PPP1R13L: variants seen among roughly 807,000 people sequenced by gnomAD.
PPP1R13L encodes the protein protein phosphatase 1 regulatory subunit 13 like.
PPP1R13L carries 50 observed loss-of-function variants against 80.9 expected under a neutral mutation model. The observed-to-expected ratio is 0.62, with a 90% confidence interval of 0.49 to 0.78. The LOEUF is 0.78. PPP1R13L is among the 30% of genes least tolerant of loss of function. The pLI is 0.00. For synonymous variants in PPP1R13L, 602 were observed against 534.3 expected, an observed-to-expected ratio of 1.13 and a Z score of -1.75; for missense variants, 1,200 against 1,205.9, an observed-to-expected ratio of 1.00 and a Z score of 0.07.
At chr19:45,385,451 A>C in intron 11 of PPP1R13L, 111 bp downstream of exon 11, 1 of 1,258,070 alleles carries the variant, frequency 7.9e-7, no homozygotes, top group African/African-American at 1.5e-5. Flanking sequence ...AATCCTGCCA[A>C]GTGGTTGGTA....
chr19:45,392,863 G>A (rs1283000477), intron 7 of PPP1R13L: 1 of 197,742 alleles, frequency 5.1e-6, no homozygotes, highest in Non-Finnish European at 1.0e-5. Flanking sequence ...AAAGCAGGTG[G>A]AAATAAAAAT....
At chr19:45,406,236 C>T, upstream of PPP1R13L, 36 of 935,458 alleles carry the variant, frequency 3.8e-5, no homozygotes, top group Non-Finnish European at 4.6e-5. This position sits in a 1 kb window ranked among gnomAD's most constrained non-coding sequence, Gnocchi z 4.2. Flanking sequence ...GGCATCTGGG[C>T]CTCCCCAGAA....
At position 45,380,194 on chromosome 19, in the gene PPP1R13L, A is replaced by C; in HGVS notation, c.2483T>G (p.Val828Gly). 1 of 1,613,986 alleles carries C rather than the reference A, an allele frequency of 6.2e-7. No individual in the cohort carries two copies. Among genetic ancestry groups the C allele is most frequent in the Non-Finnish European group, 8.5e-7 (1 of 1,179,984 alleles). The change falls in exon 13 of 13, where the codon GTC becomes GGC. Residue 828 changes from valine to glycine, a missense_variant. Val to Gly is a moderately radical substitution (Grantham distance 109). Around this residue, in one of 5 missense-constraint regions of PPP1R13L, gnomAD observed 165 missense variants for 177.1 expected, o/e 0.93. Transcript: ENST00000360957. ...CAGAAACCTCCTTCTATCCTGCTAG[A>C]CTTTACTCCTTTGAGGCTTCACCCT... is the stretch of plus-strand genomic sequence containing the variant. ...FPRVKPQRSK[V>G]
In PPP1R13L at chr19:45,398,290, C is replaced by A; in HGVS notation, c.29G>T (p.Arg10Leu). Residue 10 changes from arginine (R) to leucine (L), a missense_variant, in exon 2 of 13, where the codon CGG becomes CTG. Physicochemically the swap from Arg to Leu is moderately radical, Grantham distance 102. Coordinates refer to ENST00000360957, the MANE Select transcript of PPP1R13L (RefSeq NM_006663.4). MDSEAFQSARDFLDMNFQSL... is the reference protein window; with the variant it reads MDSEAFQSALDFLDMNFQSL... ...CTGGAAGTTCATGTCCAGAAAGTCC[C>A]GCGCGCTCTGGAATGCCTCGCTGTC... is the stretch of plus-strand genomic sequence containing the variant. 1 of 1,613,948 alleles carries A rather than the reference C, an allele frequency of 6.2e-7. No individual in the cohort carries two copies. Among genetic ancestry groups the A allele is most frequent in the Non-Finnish European group, 8.5e-7 (1 of 1,179,944 alleles).
rs201712567 is a variant in PPP1R13L, at chr19:45,392,241, G to T, written c.1454C>A (p.Ala485Glu). The T allele has an allele frequency of 1.9e-5, 31 of 1,612,858 alleles. No homozygotes were observed. Among genetic ancestry groups the T allele is most frequent in the Non-Finnish European group, 2.5e-5 (29 of 1,179,594 alleles). The stretch of plus-strand genomic sequence containing the variant: ...CAGCCTCGTGGGGCTGAGAGGCCTT[G>T]CTACAGGGCCTTCATCCACATCGCC... ...EAGDVDEGPVARPLSPTRLQP... is the reference protein window; with the variant it reads ...EAGDVDEGPVERPLSPTRLQP... Residue 485 changes from alanine (A) to glutamate (E), a missense_variant, in exon 8 of 13, where the codon GCA becomes GAA. Coordinates refer to ENST00000360957, the MANE Select transcript of PPP1R13L (RefSeq NM_006663.4).
Position 45,379,827 on chromosome 19 carries a change from C to T in PPP1R13L, c.*363G>A, listed in dbSNP as rs1240836516. Reference sequence around the variant, plus strand: ...GTCAGCAGTGACTCCCAGGAATATCCAGTGGTGTGGTGGCCCATCCCAGGC... The same window carrying T: ...GTCAGCAGTGACTCCCAGGAATATCTAGTGGTGTGGTGGCCCATCCCAGGC... On this transcript the variant is annotated 3_prime_UTR_variant, in exon 13 of 13. Transcript: ENST00000360957. The T allele has an allele frequency of 4.5e-6, 1 of 222,668 alleles. No individual in the cohort carries two copies. Among genetic ancestry groups the T allele is most frequent in the Non-Finnish European group, 9.0e-6 (1 of 111,470 alleles). 13.8% of individuals were successfully genotyped at this position (222,668 alleles called of 1,614,324 possible).
Position 45,396,309 on chromosome 19 carries a change from C to T in PPP1R13L, c.811+29G>A. On this transcript the variant is annotated intron_variant, in intron 5 of 12. Coordinates refer to ENST00000360957, the MANE Select transcript of PPP1R13L (RefSeq NM_006663.4). The surrounding 1 kb of genome is among the most constrained non-coding windows in gnomAD (Gnocchi z 5.3). The stretch of plus-strand genomic sequence containing the variant: ...CTGTGGGGCTGCCTCTCCTCCGGGT[C>T]CTCCATTCCCCGGGCCTCCACCACT... 6.2e-7 allele frequency: 1 copy of T among 1,613,800 alleles called. No homozygotes were observed. Among genetic ancestry groups the T allele is most frequent in the Non-Finnish European group, 8.5e-7 (1 of 1,179,888 alleles).
chr19:45,386,180 C>T lies in PPP1R13L; in HGVS notation c.1816G>A (p.Glu606Lys), dbSNP rs1474545747. 2 of 1,517,286 alleles carry T rather than the reference C, an allele frequency of 1.3e-6. No individual in the cohort carries two copies. Among genetic ancestry groups the T allele is most frequent in the South Asian group, 1.3e-5 (1 of 76,878 alleles). 94.0% of individuals were successfully genotyped at this position (1,517,286 alleles called of 1,614,324 possible). ...SSPPEQPQSMEMRSVLRKAGS... is the reference protein window; with the variant it reads ...SSPPEQPQSMKMRSVLRKAGS... ...GCCTTCCGCAGCACAGAGCGCATCTCCTGGGGGACAGGGCGCAGAGGTCAG... is the reference window on the plus strand; with the variant it reads ...GCCTTCCGCAGCACAGAGCGCATCTTCTGGGGGACAGGGCGCAGAGGTCAG... Residue 606 changes from glutamate to lysine, a missense_variant and splice_region_variant, in exon 9 of 13, where the codon GAG becomes AAG. Around this residue, in one of 5 missense-constraint regions of PPP1R13L, gnomAD observed 214 missense variants for 199.6 expected, o/e 1.07. Transcript: ENST00000360957.
chr19:45,385,988 G>T (rs775736681), intron 9 of PPP1R13L, 31 bp from the exon 10 acceptor site: 6 of 1,587,020 alleles, frequency 3.8e-6, no homozygotes, highest in Non-Finnish European at 5.1e-6. Context: ...GGAAGACTCA[G>T]TCCCGCGGCT....
chr19:45,395,202 C>A (rs1040222060), intron 7 of PPP1R13L: 6 of 571,236 alleles, frequency 1.1e-5, no homozygotes, highest in Non-Finnish European at 1.9e-5. Flanking sequence ...AGTGACTTGC[C>A]CAAGGTCACA....
At chr19:45,395,251 T>C (rs1334631943) in intron 7 of PPP1R13L, 185 bp downstream of exon 7, 1 of 785,350 alleles carries the variant, frequency 1.3e-6, no homozygotes, top group South Asian at 1.6e-5. Flanking sequence ...GGGTCCACAC[T>C]TAACCTTTGA....
intron 8 of PPP1R13L, among the ~76,000 whole-genome samples, chr19:45,389,100 T>C (rs1045912128): frequency 2.0e-5 from 3 of 152,332 alleles, no homozygotes; most frequent in Admixed American, 2.0e-4. Flanking sequence ...AAAATGTTAC[T>C]ATCCTAAGAC....
At position 45,396,219 on chromosome 19, in the gene PPP1R13L, C is replaced by T. The variant is rs763575471; in HGVS notation, c.852G>A (p.Gln284=). ...VFARPASPSL[Q]LLPWRESSLD... ...GGCTGCTCTCCCTCCAAGGCAACAG[C>T]TGCAGGCTCGGCGAGGCAGGCCTTG... is the stretch of plus-strand genomic sequence containing the variant. Residue 284 remains glutamine (Q), a synonymous_variant, in exon 6 of 13, where the codon CAG becomes CAA. Transcript: ENST00000360957. This position sits in a 1 kb window ranked among gnomAD's most constrained non-coding sequence, Gnocchi z 5.3. 6.2e-7 allele frequency: 1 copy of T among 1,612,116 alleles called. No individual in the cohort carries two copies. Among genetic ancestry groups the T allele is most frequent in the Non-Finnish European group, 8.5e-7 (1 of 1,179,746 alleles).
intron 12 of PPP1R13L, among the ~76,000 whole-genome samples, chr19:45,381,099 G>A (rs1391347306): frequency 6.7e-6 from 1 of 149,908 alleles, no homozygotes; most frequent in Admixed American, 6.7e-5. Context: ...TTGTCACCCA[G>A]GCTGGAGTGC....
intron 8 of PPP1R13L, among the ~76,000 whole-genome samples, chr19:45,390,880 G>T (rs34818580): frequency 6.6e-6 from 1 of 152,054 alleles, no homozygotes; most frequent in Non-Finnish European, 1.5e-5. Flanking sequence ...CACCGCGCCC[G>T]GCCGAGACTC....
In PPP1R13L at chr19:45,396,887, G is replaced by C. The variant is rs769017316; in HGVS notation, c.370C>G (p.Pro124Ala). 2.6e-6 allele frequency: 4 copies of C among 1,527,688 alleles called. No individual in the cohort carries two copies. The highest frequency in any genetic ancestry group is 3.5e-6 in the Non-Finnish European group (4 of 1,145,216). The allele number at this position is 1,527,688 out of a possible 1,614,324, so 94.6% of individuals were successfully genotyped here. A position where few individuals can be genotyped will look rare whatever the true frequency, so the allele number is the denominator to read the frequency against. The change falls in exon 4 of 13, where the codon CCG becomes GCG. Residue 124 changes from proline to alanine, a missense_variant. Transcript: ENST00000360957. The surrounding 1 kb of genome is among the most constrained non-coding windows in gnomAD (Gnocchi z 5.3). ...PKGRPSSPRTPLYLQPDAYGS... is the reference protein window; with the variant it reads ...PKGRPSSPRTALYLQPDAYGS... ...TAGGCGTCCGGCTGCAGGTAGAGCGGGGTGCGCGGCGACGACGGCCGTCCC... is the reference window on the plus strand; with the variant it reads ...TAGGCGTCCGGCTGCAGGTAGAGCGCGGTGCGCGGCGACGACGGCCGTCCC...
At chr19:45,386,493 TCA>T (rs1339072369) in intron 8 of PPP1R13L, among the ~76,000 whole-genome samples, 2 of 152,144 alleles carry the variant, frequency 1.3e-5, no homozygotes, top group African/African-American at 2.4e-5. Flanking sequence ...GTTATGCAAT[TCA>T]CACACAGTCT....
rs1429031787 is a variant in PPP1R13L at position 45,396,312 on chromosome 19, C to G, written c.811+26G>C. On this transcript the variant is annotated intron_variant, in intron 5 of 12. Transcript: ENST00000360957. This position sits in a 1 kb window ranked among gnomAD's most constrained non-coding sequence, Gnocchi z 5.3. ...TGGGGCTGCCTCTCCTCCGGGTCCT[C>G]CATTCCCCGGGCCTCCACCACTCAC... The G allele has an allele frequency of 6.2e-7, 1 of 1,613,882 alleles. No homozygotes were observed. The highest frequency in any genetic ancestry group is 1.1e-5 in the South Asian group (1 of 91,084).
Position 45,395,593 on chromosome 19 carries a change from G to T in PPP1R13L, c.1197C>A (p.Thr399=). The T allele has an allele frequency of 1.4e-6, 2 of 1,475,412 alleles. No individual in the cohort carries two copies. The highest frequency in any genetic ancestry group is 2.4e-5 in the East Asian group (1 of 41,104). The allele number at this position is 1,475,412 out of a possible 1,614,324, so 91.4% of individuals were successfully genotyped here. The change falls in exon 7 of 13, where the codon ACC becomes ACA. Residue 399 remains threonine, a synonymous_variant. Transcript: ENST00000360957. ...RAMLPGSPLF[T]RAPPPKLQPQ... The stretch of plus-strand genomic sequence containing the variant: ...GCTGCAGCTTAGGCGGGGGTGCTCG[G>T]GTGAAGAGGGGGGACCCAGGGAGCA...
Sources: gnomAD v4.1 joint callset for allele counts (sites outside exome capture counted in the v4.1 genomes callset) on GRCh38, gnomAD v4.1.1 for gene constraint, gnomAD v4.1.1 regional missense constraint, Gnocchi (gnomAD v3.1) non-coding constraint, MANE v1.5 for transcripts, NCBI Gene and HGNC (gene_info 2026-07-23, HGNC 2026-07-21) for gene names.